Variants in MYO1D observed in about 807,000 individuals in gnomAD.
MYO1D encodes the protein unconventional myosin-Id.
MYO1D carries 83 observed loss-of-function variants against 122.0 expected under a neutral mutation model. That is an observed-to-expected ratio of 0.68 (90% confidence interval 0.57 to 0.82). The LOEUF (loss-of-function observed/expected upper bound fraction) is 0.82. Among genes scored for constraint, MYO1D ranks in the 40% least tolerant of loss-of-function variants. The pLI is 0.00. For synonymous variants in MYO1D, 464 were observed against 446.9 expected, an observed-to-expected ratio of 1.04 and a Z score of -0.48; for missense variants, 1,157 against 1,269.5, an observed-to-expected ratio of 0.91 and a Z score of 1.35.
At chr17:32,713,730 G>A (rs1313744067) in intron 15 of MYO1D, among the ~76,000 whole-genome samples, 1 of 152,096 alleles carries the variant, frequency 6.6e-6, no homozygotes. Flanking sequence ...CGGTCCAAGT[G>A]ATTCTCCTGC....
At chr17:32,829,456 T>TTC (rs1266456898) in intron 1 of MYO1D, among the ~76,000 whole-genome samples, 1 of 152,212 alleles carries the variant, frequency 6.6e-6, no homozygotes, top group Non-Finnish European at 1.5e-5. Flanking sequence ...TGCTGTTCTT[T>TTC]TCTGTTTTGT....
At chr17:32,767,573 C>T (rs1251079242) in intron 7 of MYO1D, 63 bp downstream of exon 7, 1 of 1,138,986 alleles carries the variant, frequency 8.8e-7, no homozygotes, top group East Asian at 2.5e-5. Flanking sequence ...AAAACAAAAT[C>T]TTCTGAGAAA....
intron 11 of MYO1D, among the ~76,000 whole-genome samples, chr17:32,754,482 A>C (rs1440779799): frequency 1.3e-5 from 2 of 152,246 alleles, no homozygotes; most frequent in African/African-American, 2.4e-5. Flanking sequence ...TTTTAGAAAA[A>C]ACTGGCCTAA....
At chr17:32,522,290 A>C (rs563644072) in intron 21 of MYO1D, among the ~76,000 whole-genome samples, 1 of 152,196 alleles carries the variant, frequency 6.6e-6, no homozygotes, top group Non-Finnish European at 1.5e-5. Context: ...TCACCACTAA[A>C]GGCCTGATGC....
At chr17:32,841,976 G>C (rs1188930480) in intron 1 of MYO1D, among the ~76,000 whole-genome samples, 1 of 152,194 alleles carries the variant, frequency 6.6e-6, no homozygotes, top group African/African-American at 2.4e-5. Flanking sequence ...GCAGTCTAGG[G>C]AAGCACAGAA....
At chr17:32,807,240 A>G (rs934544098) in intron 1 of MYO1D, among the ~76,000 whole-genome samples, 1 of 152,114 alleles carries the variant, frequency 6.6e-6, no homozygotes, top group African/African-American at 2.4e-5. Context: ...TAAACACTTT[A>G]TTACAGTAAA....
intron 1 of MYO1D, among the ~76,000 whole-genome samples, chr17:32,815,646 GA>G (rs1438872700): frequency 1.3e-5 from 2 of 152,122 alleles, no homozygotes; most frequent in African/African-American, 4.8e-5. Flanking sequence ...AAACAAACAA[GA>G]AAGCATGCTG....
Position 32,754,278 on chromosome 17 carries a change from G to A in MYO1D, c.1467+1214C>T, listed in dbSNP as rs949373288. 1.1e-4 allele frequency among the ~76,000 whole-genome samples: 17 copies of A among 152,108 alleles called. 1 individual carries two copies. Among genetic ancestry groups the A allele is most frequent in the African/African-American group, 3.9e-4 (16 of 41,418 alleles). ...TTTAGGTGACTTCTAACTTTGCCCA[G>A]TACTCTGTCCCCAGCACCTAGGATT... On this transcript the variant is annotated intron_variant, in intron 11 of 21. Transcript: ENST00000318217.
intron 16 of MYO1D, among the ~76,000 whole-genome samples, chr17:32,697,823 C>A (rs1304089055): frequency 6.6e-6 from 1 of 152,186 alleles, no homozygotes; most frequent in Non-Finnish European, 1.5e-5. Context: ...AGCAATTTTG[C>A]AAATTGCATT....
At chr17:32,537,857 T>G (rs1200432567) in intron 21 of MYO1D, among the ~76,000 whole-genome samples, 3 of 152,148 alleles carry the variant, frequency 2.0e-5, no homozygotes, top group Non-Finnish European at 4.4e-5. Flanking sequence ...ATTAACAATG[T>G]AAAAGTAAAG....
chr17:32,804,411 T>C (rs1253624088), intron 1 of MYO1D, among the ~76,000 whole-genome samples: 6 of 152,198 alleles, frequency 3.9e-5, no homozygotes, highest in Non-Finnish European at 8.8e-5. Flanking sequence ...TACAGGAATA[T>C]ACTAAAATTA....
At chr17:32,813,887 G>A (rs1461168848) in intron 1 of MYO1D, among the ~76,000 whole-genome samples, 1 of 152,140 alleles carries the variant, frequency 6.6e-6, no homozygotes, top group Admixed American at 6.5e-5. Flanking sequence ...TGATCAGATG[G>A]GAGTGGAGAT....
intron 13 of MYO1D, among the ~76,000 whole-genome samples, chr17:32,740,279 A>G (rs1167285860): frequency 6.6e-6 from 1 of 152,166 alleles, no homozygotes; most frequent in African/African-American, 2.4e-5. Flanking sequence ...TGTTTGGTCT[A>G]TGCAGTTTCT....
At chr17:32,737,925 G>C (rs921359114) in intron 14 of MYO1D, among the ~76,000 whole-genome samples, 1 of 152,184 alleles carries the variant, frequency 6.6e-6, no homozygotes, top group Non-Finnish European at 1.5e-5. Context: ...ATTTTGGCCA[G>C]GTCCTGTTTT....
chr17:32,545,869 T>G (rs1162225046), intron 21 of MYO1D, among the ~76,000 whole-genome samples: 2 of 151,854 alleles, frequency 1.3e-5, no homozygotes, highest in African/African-American at 4.8e-5. Flanking sequence ...CTGTACACAA[T>G]AAGAATTTAA....
chr17:32,549,126 TCTGTTGTCCAGG>T, intron 21 of MYO1D, among the ~76,000 whole-genome samples: 1 of 152,238 alleles, frequency 6.6e-6, no homozygotes, highest in Non-Finnish European at 1.5e-5. Context: ...AGGGTCTTGT[TCTGTTGTCCAGG>T]CTGGAGTTCA....
In MYO1D at chr17:32,631,068, G is replaced by C. The variant is rs563054867; in HGVS notation, c.2709+7654C>G. On this transcript the variant is annotated intron_variant, in intron 20 of 21. Coordinates refer to ENST00000318217, the MANE Select transcript of MYO1D (RefSeq NM_015194.3). ...TTTAAAGACCCCATCTCCAAATACA[G>C]TCACTTTCTGAGGTACTGGGGGTTT... is the stretch of plus-strand genomic sequence containing the variant. Among the ~76,000 whole-genome samples, 9 of 152,276 alleles carry C rather than the reference G, an allele frequency of 5.9e-5. No individual in the cohort carries two copies. In the South Asian group the frequency reaches 1.9e-3, roughly 32 times the overall value.
At chr17:32,702,572 T>C (rs1227768026) in intron 16 of MYO1D, among the ~76,000 whole-genome samples, 2 of 152,168 alleles carry the variant, frequency 1.3e-5, no homozygotes, top group African/African-American at 2.4e-5. Context: ...CCTTTGTCCC[T>C]CCTCGCCCCC....
At chr17:32,748,763 C>T (rs1409566721) in intron 12 of MYO1D, among the ~76,000 whole-genome samples, 173 bp downstream of exon 12, 1 of 152,160 alleles carries the variant, frequency 6.6e-6, no homozygotes, top group Non-Finnish European at 1.5e-5. Flanking sequence ...GGTTGAAAAG[C>T]AAGGAATGAA....
Sources: allele counts gnomAD v4.1 joint callset (sites outside exome capture counted in the v4.1 genomes callset), GRCh38; gene constraint gnomAD v4.1.1; transcripts MANE v1.5; gene names NCBI Gene and HGNC (gene_info 2026-07-23, HGNC 2026-07-21).